The following SNED1 variants were observed in gnomAD, a reference collection of about 807,000 sequenced individuals.
SNED1 encodes sushi, nidogen and EGF-like domain-containing protein 1.
SNED1 carries 81 observed loss-of-function variants against 166.7 expected under a neutral mutation model. The observed-to-expected ratio is 0.49, with a 90% CI of 0.41 to 0.58. The LOEUF (loss-of-function observed/expected upper bound fraction) is 0.58. SNED1 is among the 20% of genes least tolerant of loss of function. The probability of loss-of-function intolerance (pLI) is 0.00; values close to 1 mark genes in which losing one functional copy is unlikely to be tolerated. For missense variants in SNED1, 1,604 were observed against 2,000.2 expected, an observed-to-expected ratio of 0.80 and a Z score of 3.78; for synonymous variants, 762 against 822.0, an observed-to-expected ratio of 0.93 and a Z score of 1.25.
At chr2:241,060,590 A>G (rs1413022034) in intron 16 of SNED1, among the ~76,000 whole-genome samples, 1 of 152,084 alleles carries the variant, frequency 6.6e-6, no homozygotes, top group Non-Finnish European at 1.5e-5. Flanking sequence ...TTGGTTCTCT[A>G]TTTTTCATAC....
At chr2:241,003,488 G>A (rs987711003) in intron 1 of SNED1, among the ~76,000 whole-genome samples, 8 of 152,206 alleles carry the variant, frequency 5.3e-5, no homozygotes, top group Admixed American at 1.3e-4. Flanking sequence ...TTTCTGCACC[G>A]TGTGTTCCCC....
chr2:241,065,470 G>T lies in SNED1; in HGVS notation c.2885G>T (p.Arg962Leu), dbSNP rs368184516. Residue 962 changes from arginine to leucine, a missense_variant, in exon 21 of 32, where the codon CGC becomes CTC. By Grantham distance (102) the Arg-to-Leu change is moderately radical. This residue lies in a region of SNED1 where 1,237 missense variants were observed against 1,620.8 expected (regional missense o/e 0.76). Coordinates refer to ENST00000310397, the MANE Select transcript of SNED1 (RefSeq NM_001080437.3). ...CGCACAGACTTTGTGGACAGGACCC[G>T]CTCCTCGCACCAGCTCCAGGCCCTG... ...YRRTDFVDRT[R>L]SSHQLQALAA... 1.2e-6 allele frequency: 2 copies of T among 1,612,984 alleles called. No individual in the cohort carries two copies. The highest frequency in any genetic ancestry group is 3.3e-5 in the Admixed American group (2 of 60,022).
At position 241,048,337 on chromosome 2, in the gene SNED1, C is replaced by T. The variant is rs755788017; in HGVS notation, c.1296C>T (p.Ala432=). Residue 432 remains alanine, a synonymous_variant, in exon 9 of 32, where the codon GCC becomes GCT. Transcript: ENST00000310397. The part of the protein sequence containing the change: ...CETGDHPVPD[A]CLSAPCHNGG... ...CAGGAGACCATCCAGTGCCAGACGC[C>T]TGCCTCTCGGCCCCTTGCCACAATG... The T allele has an allele frequency of 1.9e-6, 3 of 1,609,424 alleles. No individual in the cohort carries two copies. Among genetic ancestry groups the T allele is most frequent in the South Asian group, 2.2e-5 (2 of 90,054 alleles).
chr2:241,082,085 A>AC (rs902069348), intron 28 of SNED1, among the ~76,000 whole-genome samples, 192 bp from the exon 29 acceptor site: 1 of 151,754 alleles, frequency 6.6e-6, no homozygotes, highest in African/African-American at 2.4e-5. Context: ...GGGACTCTCC[A>AC]CCCCCACAAT....
In SNED1 at chr2:241,052,082, G is replaced by A. The variant is rs774223730; in HGVS notation, c.1894G>A (p.Gly632Ser). The change falls in exon 14 of 32, where the codon GGC becomes AGC. Residue 632 changes from glycine to serine, a missense_variant. Coordinates refer to ENST00000310397, the MANE Select transcript of SNED1 (RefSeq NM_001080437.3). ...TGCCTCTGGCCCCTGTCACAACGGC[G>A]GCACCTGCTTCCACTACATTGGCAA... ...SCASGPCHNG[G>S]TCFHYIGKYK... 5 of 1,613,790 alleles carry A rather than the reference G, an allele frequency of 3.1e-6. No homozygotes were observed. The Admixed American group carries it at 5.0e-5, about 16-fold the overall frequency.
At position 241,058,383 on chromosome 2, in the gene SNED1, GA is replaced by G. The variant is rs1039102184; in HGVS notation, c.2258-4400del. ...TTAAATGTCTGACTTCAGAAGTTAG[GA>G]AAAAAAATACGAAATGATGCTGAAA... On this transcript the variant is annotated intron_variant, in intron 16 of 31. Transcript: ENST00000310397. Among the ~76,000 whole-genome samples, 18 of 151,250 alleles carry G rather than the reference GA, an allele frequency of 1.2e-4. 1 individual carries two copies. The highest frequency in any genetic ancestry group is 1.1e-3 in the Admixed American group (17 of 15,186).
intron 24 of SNED1, among the ~76,000 whole-genome samples, chr2:241,070,527 C>T (rs1176368733): frequency 1.3e-5 from 2 of 152,200 alleles, no homozygotes; most frequent in Non-Finnish European, 2.9e-5. Context: ...AGGAAGCCCC[C>T]GGAAGTGGCC....
At chr2:241,057,361 G>A (rs936422627) in intron 16 of SNED1, among the ~76,000 whole-genome samples, 10 of 129,014 alleles carry the variant, frequency 7.8e-5, no homozygotes, top group East Asian at 2.5e-4. Flanking sequence ...CCTGGGCGAC[G>A]AGCAAAACTC....
At chr2:241,016,447 C>T (rs1250278211) in intron 1 of SNED1, among the ~76,000 whole-genome samples, 2 of 152,084 alleles carry the variant, frequency 1.3e-5, no homozygotes, top group South Asian at 2.1e-4. Context: ...CCTCCTGCCT[C>T]GGCCTCCCAA....
At chr2:241,049,783 A>T in intron 11 of SNED1, 34 bp from the exon 12 acceptor site, 8 of 1,549,874 alleles carry the variant, frequency 5.2e-6, no homozygotes, top group Non-Finnish European at 7.1e-6. Context: ...ATGCGGCGTA[A>T]GCTCCAGGAC....
chr2:241,011,076 GGGTCTCCTGGGTCTCCTGGGGGTGGCA>G (rs1161744479), intron 1 of SNED1, among the ~76,000 whole-genome samples: 7 of 147,400 alleles, frequency 4.7e-5, no homozygotes, highest in South Asian at 2.1e-4. Flanking sequence ...CAGGTCTCCT[GGGTCTCCTGGGTCTCCTGGGGGTGGCA>G]GGTCTCCTGG....
intron 16 of SNED1, among the ~76,000 whole-genome samples, chr2:241,056,013 C>T (rs1256130533): frequency 6.6e-6 from 1 of 150,820 alleles, no homozygotes; most frequent in Non-Finnish European, 1.5e-5. Flanking sequence ...ACTTTGATTT[C>T]CACTGTTCTT....
intron 4 of SNED1, chr2:241,035,671 CA>C (rs1355111788): frequency 6.7e-6 from 1 of 149,704 alleles, no homozygotes; most frequent in African/African-American, 2.5e-5. Context: ...GAGAACACGA[CA>C]GGGGTAGCAG....
intron 18 of SNED1, 89 bp downstream of exon 18, chr2:241,063,789 G>A: frequency 9.6e-7 from 1 of 1,037,456 alleles, no homozygotes; most frequent in African/African-American, 1.6e-5. Context: ...ATTCCCTGCT[G>A]GGCAGGCCAC....
rs1304465936 is a variant in SNED1, at chr2:241,044,948, G to A, written c.1274-3367G>A. Among the ~76,000 whole-genome samples, 3 of 152,262 alleles carry A rather than the reference G, an allele frequency of 2.0e-5. No individual in the cohort carries two copies. The East Asian group carries it at 5.8e-4, about 29-fold the overall frequency. On this transcript the variant is annotated intron_variant, in intron 8 of 31. Transcript: ENST00000310397. ...CTGGAAAGTACTGGGGAAACTGGAGGGTGAATCTTGGGACAGCAACTCCAT... is the reference window on the plus strand; with the variant it reads ...CTGGAAAGTACTGGGGAAACTGGAGAGTGAATCTTGGGACAGCAACTCCAT...
intron 4 of SNED1, among the ~76,000 whole-genome samples, chr2:241,036,145 C>T (rs939801769): frequency 8.0e-5 from 11 of 138,354 alleles, no homozygotes; most frequent in Non-Finnish European, 1.4e-4. Flanking sequence ...GAGCACCGCG[C>T]GCTCATGGGA....
rs535173427 is a variant in SNED1, at chr2:241,029,574, T to C, written c.214-710T>C. ...CACAAACATTCCAACCATAGCCCCC[T>C]GTTATAAGTAAGAAAACCAGAGCAC... On this transcript the variant is annotated intron_variant, in intron 1 of 31. Transcript: ENST00000310397. Among the ~76,000 whole-genome samples, 5 of 152,350 alleles carry C rather than the reference T, an allele frequency of 3.3e-5. No individual in the cohort carries two copies. In the East Asian group the frequency reaches 9.6e-4, roughly 29 times the overall value.
intron 1 of SNED1, among the ~76,000 whole-genome samples, chr2:241,017,961 A>G (rs976191171): frequency 6.6e-6 from 1 of 152,198 alleles, no homozygotes; most frequent in African/African-American, 2.4e-5. Context: ...TACGATGACC[A>G]ACTCGTCCTG....
rs1188332935 is a variant in SNED1 at position 241,051,687 on chromosome 2, G to A, written c.1736-57G>A. 24 of 1,330,144 alleles carry A rather than the reference G, an allele frequency of 1.8e-5. No homozygotes were observed. The highest frequency in any genetic ancestry group is 2.8e-5 in the Admixed American group (1 of 35,092). The allele number at this position is 1,330,144 out of a possible 1,614,324, so 82.4% of individuals were successfully genotyped here. ...GAGGAGATGCCAGGAGGGTATAGTG[G>A]CTCTGTGGGGCCAGCAGCCTGGCCC... On this transcript the variant is annotated intron_variant, in intron 12 of 31. Transcript: ENST00000310397. This position sits in a 1 kb window ranked among gnomAD's most constrained non-coding sequence, Gnocchi z 4.7.
Sources: gnomAD v4.1 joint callset for allele counts (sites outside exome capture counted in the v4.1 genomes callset) on GRCh38, gnomAD v4.1.1 for gene constraint, gnomAD v4.1.1 regional missense constraint, Gnocchi (gnomAD v3.1) non-coding constraint, MANE v1.5 for transcripts, NCBI Gene and HGNC (gene_info 2026-07-23, HGNC 2026-07-21) for gene names.